ZNF333: variants seen among roughly 807,000 people sequenced by gnomAD.
ZNF333 encodes the protein zinc finger protein 333.
In ZNF333, 61 loss-of-function variants were observed where a neutral mutation model predicts 76.1. The ratio of observed to expected loss-of-function variants is 0.80; its 90% CI spans 0.65 to 0.99. ZNF333 has a LOEUF of 0.99. Among genes scored for constraint, ZNF333 ranks in the 50% least tolerant of loss-of-function variants. The pLI is 0.00. For synonymous variants in ZNF333, 284 were observed against 305.0 expected (o/e 0.93, Z 0.72); for missense variants, 717 against 822.4 (o/e 0.87, Z 1.57).
intron 5 of ZNF333, among the ~76,000 whole-genome samples, chr19:14,704,779 C>A (rs1331554158): frequency 6.6e-6 from 1 of 152,224 alleles, no homozygotes; most frequent in African/African-American, 2.4e-5. Context: ...CCTCCCACAA[C>A]ACGTGGGAAT....
rs1477040038 is a variant in ZNF333, at chr19:14,719,269, A to T, written c.1942A>T (p.Asn648Tyr). The change falls in exon 12 of 12, where the codon AAT becomes TAT. Residue 648 changes from asparagine (N) to tyrosine (Y), a missense_variant. Transcript: ENST00000292530. ...CCATGTGGGAAGAGAGACCATTAGG[A>T]ATGGCAGCCTGCCTTTATCCATGTC... ...RTHVGRETIR[N>Y]GSLPLSMSHP... is the part of the protein sequence containing the mutation. The T allele has an allele frequency of 2.5e-6, 4 of 1,614,190 alleles. No individual in the cohort carries two copies. The highest frequency in any genetic ancestry group is 1.7e-5 in the Admixed American group (1 of 60,018).
chr19:14,722,930 C>T (rs757258302), downstream of ZNF333, among the ~76,000 whole-genome samples: 13 of 152,232 alleles, frequency 8.5e-5, no homozygotes, highest in Middle Eastern at 3.4e-3. Context: ...GGACTACAGG[C>T]GCATACCACC....
exon 12 of ZNF333, chr19:14,731,288 A>G: frequency 8.5e-7 from 1 of 1,170,314 alleles, no homozygotes; most frequent in Non-Finnish European, 1.2e-6. Context: ...AAGACTCCAA[A>G]TCTGCAGATT....
chr19:14,716,721 C>G (rs886665723), intron 9 of ZNF333, among the ~76,000 whole-genome samples: 6 of 152,214 alleles, frequency 3.9e-5, no homozygotes, highest in Non-Finnish European at 8.8e-5. Flanking sequence ...ACTGCCCTGT[C>G]TTTCTGTGAC....
chr19:14,722,428 G>A (rs957399331), downstream of ZNF333, among the ~76,000 whole-genome samples: 1 of 152,228 alleles, frequency 6.6e-6, no homozygotes. Flanking sequence ...GTGGAAAAAT[G>A]TCTAAGTCCT....
At chr19:14,703,830 T>A (rs1306482145) in intron 5 of ZNF333, among the ~76,000 whole-genome samples, 1 of 152,116 alleles carries the variant, frequency 6.6e-6, no homozygotes. Context: ...GGGCTGTGGG[T>A]CACGGGATTT....
exon 12 of ZNF333, chr19:14,732,089 T>A (rs1196901869): frequency 6.6e-6 from 1 of 152,200 alleles, no homozygotes; most frequent in African/African-American, 2.4e-5. Flanking sequence ...GTCTGTCTTA[T>A]ATGTTTTAGT....
intron 4 of ZNF333, among the ~76,000 whole-genome samples, chr19:14,697,347 TTTTTC>T (rs1259559777): frequency 6.7e-6 from 1 of 148,190 alleles, no homozygotes; most frequent in Non-Finnish European, 1.5e-5. Context: ...CAATATTTCT[TTTTTC>T]TTTTCTTTTT....
chr19:14,718,229 A>C lies in ZNF333; in HGVS notation c.902A>C (p.Glu301Ala). 6.2e-7 allele frequency: 1 copy of C among 1,604,312 alleles called. No homozygotes were observed. The highest frequency in any genetic ancestry group is 8.5e-7 in the Non-Finnish European group (1 of 1,175,328). ...CTTCACATTTTCCTTCATCGACAGG[A>C]GCAACCTCAGCCTGGAGAAAAACTC... Reference protein sequence around the residue: ...TEILSIDVKGEQPQPGEKLYK... With the variant: ...TEILSIDVKGAQPQPGEKLYK... The change falls in exon 12 of 12, where the codon GAG becomes GCG. Residue 301 changes from glutamate (E) to alanine (A), a missense_variant and splice_region_variant. Coordinates refer to ENST00000292530, the MANE Select transcript of ZNF333 (RefSeq NM_032433.4).
chr19:14,711,967 G>A (rs552942182), intron 7 of ZNF333, among the ~76,000 whole-genome samples: 2 of 152,010 alleles, frequency 1.3e-5, no homozygotes, highest in Non-Finnish European at 2.9e-5. Flanking sequence ...TCAGGATGGG[G>A]CACTCTGAGG....
intron 7 of ZNF333, among the ~76,000 whole-genome samples, chr19:14,713,536 A>G (rs192916460): frequency 1.8e-3 from 268 of 152,264 alleles, no homozygotes; most frequent in African/African-American, 6.3e-3. Context: ...GGCAGAGAGA[A>G]TTGAGGGAGA....
chr19:14,705,244 A>C, intron 6 of ZNF333, 74 bp downstream of exon 6: 2 of 1,276,674 alleles, frequency 1.6e-6, no homozygotes, highest in Non-Finnish European at 2.2e-6. Flanking sequence ...TTGTCTGTAA[A>C]TTGGGGGAGG....
intron 5 of ZNF333, 185 bp downstream of exon 5, chr19:14,699,466 T>A (rs982526545): frequency 3.2e-5 from 6 of 186,322 alleles, no homozygotes; most frequent in African/African-American, 1.2e-4. Flanking sequence ...TGCTCAAGAC[T>A]TTTTTTTTTT....
intron 7 of ZNF333, chr19:14,708,622 G>A (rs936173039): frequency 2.8e-5 from 10 of 362,424 alleles, no homozygotes; most frequent in South Asian, 1.5e-4. Context: ...GCTGTGGGCC[G>A]TCCTGTGCAT....
chr19:14,725,246 T>C (rs1054801480), downstream of ZNF333, among the ~76,000 whole-genome samples: 3 of 152,118 alleles, frequency 2.0e-5, no homozygotes, highest in Admixed American at 6.6e-5. Flanking sequence ...GGGATGACAC[T>C]AAGCCATTCA....
rs553223175 is a variant in ZNF333, at chr19:14,703,813, G to A, written c.307-1241G>A. Among the ~76,000 whole-genome samples the A allele has an allele frequency of 2.6e-4, 39 of 152,274 alleles. No homozygotes were observed. The South Asian group carries it at 6.4e-3, about 25-fold the overall frequency. ...TGAGAGTGAGATAAGGAGCTGGTAC[G>A]GCATGTGGGCTGTGGGTCACGGGAT... is the stretch of plus-strand genomic sequence containing the variant. On this transcript the variant is annotated intron_variant, in intron 5 of 11. Coordinates refer to ENST00000292530, the MANE Select transcript of ZNF333 (RefSeq NM_032433.4).
At chr19:14,716,323 A>T in intron 9 of ZNF333, 85 bp downstream of exon 9, 1 of 1,470,410 alleles carries the variant, frequency 6.8e-7, no homozygotes, top group Non-Finnish European at 9.1e-7. Context: ...TGATGGCGTG[A>T]CCTTGGCTCA....
In ZNF333 at chr19:14,696,513, T is replaced by C. The variant is rs537504545; in HGVS notation, c.223+852T>C. On this transcript the variant is annotated intron_variant, in intron 4 of 11. Coordinates refer to ENST00000292530, the MANE Select transcript of ZNF333 (RefSeq NM_032433.4). Reference sequence around the variant, plus strand: ...GTTAGACTGGGTAGTTTATAAACAATAGAAGTTTATTTGACTCCTGGTTCT... The same window carrying C: ...GTTAGACTGGGTAGTTTATAAACAACAGAAGTTTATTTGACTCCTGGTTCT... Among the ~76,000 whole-genome samples, 80 of 152,154 alleles carry C rather than the reference T, an allele frequency of 5.3e-4. 1 individual carries two copies. The highest frequency in any genetic ancestry group is 1.9e-3 in the African/African-American group (78 of 41,518).
At chr19:14,692,755 C>A (rs1972866528) in intron 1 of ZNF333, among the ~76,000 whole-genome samples, 1 of 150,698 alleles carries the variant, frequency 6.6e-6, no homozygotes, top group South Asian at 2.1e-4. Context: ...CCAAGTGATC[C>A]ACCTGCCTCG....
Sources: allele counts gnomAD v4.1 joint callset (sites outside exome capture counted in the v4.1 genomes callset), GRCh38; gene constraint gnomAD v4.1.1; transcripts MANE v1.5; gene names NCBI Gene and HGNC (gene_info 2026-07-23, HGNC 2026-07-21).